The following RTKN2 variants were observed in gnomAD, a reference collection of about 807,000 sequenced individuals.
RTKN2 encodes the protein rhotekin-2.
A neutral mutation model predicts 71.5 loss-of-function variants in RTKN2; 69 were observed. That is an observed-to-expected ratio of 0.96 (90% CI 0.79 to 1.18). RTKN2 has a LOEUF of 1.18. Among genes scored for constraint, RTKN2 ranks in the 50% most tolerant of loss-of-function variants. The pLI, the probability that RTKN2 is intolerant of heterozygous loss-of-function variation, is 0.00. For missense variants in RTKN2, 724 were observed against 719.7 expected, an observed-to-expected ratio of 1.01 and a Z score of -0.07; for synonymous variants, 236 against 236.5, an observed-to-expected ratio of 1.00 and a Z score of 0.02.
intron 1 of RTKN2, among the ~76,000 whole-genome samples, chr10:62,265,605 T>C (rs1484654092): frequency 2.0e-5 from 3 of 152,006 alleles, no homozygotes; most frequent in African/African-American, 7.3e-5. Context: ...GGCTACTGTT[T>C]TAGCCAGTTT....
In RTKN2 at chr10:62,217,191, T is replaced by A; in HGVS notation, c.947A>T (p.Lys316Ile). 1 of 1,605,542 alleles carries A rather than the reference T, an allele frequency of 6.2e-7. No individual in the cohort carries two copies. Among genetic ancestry groups the A allele is most frequent in the Non-Finnish European group, 8.5e-7 (1 of 1,175,976 alleles). The change falls in exon 9 of 12, where the codon AAA becomes ATA. Residue 316 changes from lysine (K) to isoleucine (I), a missense_variant. Transcript: ENST00000373789. ...RRLYCVLRGGKLYCFYSPEEI... is the reference protein window; with the variant it reads ...RRLYCVLRGGILYCFYSPEEI... The stretch of plus-strand genomic sequence containing the variant: ...CTCTGGACTGTAAAAACAATAGAGT[T>A]TACCTCCTCGCAAAACACAATACAA...
At chr10:62,242,011 T>C (rs574284692) in intron 3 of RTKN2, among the ~76,000 whole-genome samples, 5 of 95,070 alleles carry the variant, frequency 5.3e-5, no homozygotes, top group African/African-American at 2.2e-4. Context: ...CTAATTATTA[T>C]ACTTTTTTTT....
chr10:62,222,303 G>A (rs1012164147), intron 7 of RTKN2, among the ~76,000 whole-genome samples: 2 of 151,506 alleles, frequency 1.3e-5, no homozygotes, highest in African/African-American at 4.9e-5. Context: ...GTAGAGATAG[G>A]GTCTCACTAT....
chr10:62,223,744 C>T (rs969612850), intron 6 of RTKN2, among the ~76,000 whole-genome samples: 1 of 152,130 alleles, frequency 6.6e-6, no homozygotes, highest in African/African-American at 2.4e-5. Context: ...AATGATACCA[C>T]CTCTGTGGAA....
In RTKN2 at chr10:62,195,559, A is replaced by AAAGGAAGG. The variant is rs545327176; in HGVS notation, c.*2341_*2348dup. On this transcript the variant is annotated 3_prime_UTR_variant, in exon 12 of 12. Transcript: ENST00000373789. ...GGGCCAGAGAAAGAAACAAAGACAA[A>AAAGGAAGG]AAGGAAGGAAGGAGGGAAGGAGGGA... is the stretch of plus-strand genomic sequence containing the variant. 63 of 689,352 alleles carry AAAGGAAGG rather than the reference A, an allele frequency of 9.1e-5. 4 individuals are homozygous for AAAGGAAGG. In the East Asian group the frequency reaches 4.3e-3, roughly 48 times the overall value. The allele number at this position is 689,352 out of a possible 1,614,324, so 42.7% of individuals were successfully genotyped here.
chr10:62,188,206 G>A (rs1229556928), downstream of RTKN2, among the ~76,000 whole-genome samples: 1 of 152,214 alleles, frequency 6.6e-6, no homozygotes, highest in Non-Finnish European at 1.5e-5. Context: ...GAAGGTCGCA[G>A]TCATGCCTAG....
At chr10:62,248,256 A>C (rs1439372224) in intron 2 of RTKN2, among the ~76,000 whole-genome samples, 1 of 152,126 alleles carries the variant, frequency 6.6e-6, no homozygotes, top group Non-Finnish European at 1.5e-5. Flanking sequence ...AAAAAATGAG[A>C]GGAGAAAAAC....
At chr10:62,213,115 A>C (rs1308955898) in intron 9 of RTKN2, among the ~76,000 whole-genome samples, 1 of 152,230 alleles carries the variant, frequency 6.6e-6, no homozygotes, top group Non-Finnish European at 1.5e-5. Flanking sequence ...CATATGTAGA[A>C]GGAAAGTAGT....
At chr10:62,207,095 C>G (rs182639672) in intron 9 of RTKN2, among the ~76,000 whole-genome samples, 6 of 152,094 alleles carry the variant, frequency 3.9e-5, no homozygotes, top group Non-Finnish European at 8.8e-5. Flanking sequence ...ATAAACATTT[C>G]TGACTACTTT....
chr10:62,192,934 C>T (rs367712527), downstream of RTKN2, among the ~76,000 whole-genome samples: 10 of 152,060 alleles, frequency 6.6e-5, no homozygotes, highest in African/African-American at 2.4e-4. Context: ...ATCTAACACA[C>T]TATGTGTATG....
At chr10:62,245,955 T>C (rs1589376383) in intron 3 of RTKN2, 44 bp downstream of exon 3, 3 of 1,241,244 alleles carry the variant, frequency 2.4e-6, no homozygotes, top group Non-Finnish European at 3.4e-6. Flanking sequence ...GTAGTTACGT[T>C]ATAGAATTTA....
intron 9 of RTKN2, among the ~76,000 whole-genome samples, chr10:62,212,111 A>AT (rs142344986): frequency 0.55 from 70,332 of 127,560 alleles, 18,417 homozygotes; most frequent in East Asian, 0.88. Context: ...ACTTAAAAAA[A>AT]AAATATATAT....
At chr10:62,184,499 C>T (rs1841104155) in intron 8 of RTKN2, 2 of 579,044 alleles carry the variant, frequency 3.5e-6, no homozygotes. Context: ...TTGCAAGTTT[C>T]AGGAAAAATG....
rs1841337491 is a variant in RTKN2, at chr10:62,196,642, C to T, written c.*1266G>A. The T allele has an allele frequency of 3.0e-6, 3 of 984,610 alleles. No homozygotes were observed. Among genetic ancestry groups the T allele is most frequent in the Non-Finnish European group, 2.4e-6 (2 of 829,228 alleles). 61.0% of individuals were successfully genotyped at this position (984,610 alleles called of 1,614,324 possible). A position where few individuals can be genotyped will look rare whatever the true frequency, so the allele number is the denominator to read the frequency against. ...AGATCTCAAGAGATTATACACAGGG[C>T]AGCAATTTAATTCTTAAATTTTTAT... is the stretch of plus-strand genomic sequence containing the variant. On this transcript the variant is annotated 3_prime_UTR_variant, in exon 12 of 12. Transcript: ENST00000373789.
intron 5 of RTKN2, chr10:62,238,099 T>C (rs924120079): frequency 9.9e-5 from 15 of 151,972 alleles, no homozygotes; most frequent in African/African-American, 3.6e-4. Context: ...AGCACAGACT[T>C]TTAAAGATAT....
chr10:62,190,292 T>C (rs1359016455), downstream of RTKN2, among the ~76,000 whole-genome samples: 6 of 152,222 alleles, frequency 3.9e-5, no homozygotes, highest in Middle Eastern at 3.2e-3. Flanking sequence ...GTTGGTATAC[T>C]GAGGATGAGA....
At position 62,198,141 on chromosome 10, in the gene RTKN2, T is replaced by C. The variant is rs1317634240; in HGVS notation, c.1597A>G (p.Thr533Ala). Residue 533 changes from threonine to alanine, a missense_variant, in exon 12 of 12, where the codon ACA (threonine) becomes GCA (alanine). By Grantham distance (58) the Thr-to-Ala change is moderately conservative. Coordinates refer to ENST00000373789, the MANE Select transcript of RTKN2 (RefSeq NM_145307.4). Reference protein sequence around the residue: ...DQLVKDNWGKTSVSQTSSLDT... With the variant: ...DQLVKDNWGKASVSQTSSLDT... Reference sequence around the variant, plus strand: ...AAAGACGATGTCTGAGATACACTTGTTTTTCCCCAGTTGTCCTTAACCAAT... The same window carrying C: ...AAAGACGATGTCTGAGATACACTTGCTTTTCCCCAGTTGTCCTTAACCAAT... 6.2e-7 allele frequency: 1 copy of C among 1,614,142 alleles called. No homozygotes were observed. Among genetic ancestry groups the C allele is most frequent in the South Asian group, 1.1e-5 (1 of 91,088 alleles).
At chr10:62,245,848 T>A in intron 3 of RTKN2, 151 bp downstream of exon 3, 1 of 575,402 alleles carries the variant, frequency 1.7e-6, no homozygotes, top group Non-Finnish European at 3.1e-6. Flanking sequence ...ATGTAGCATA[T>A]AATGCTAAAA....
intron 2 of RTKN2, among the ~76,000 whole-genome samples, chr10:62,255,844 TC>T (rs959914777): frequency 1.3e-5 from 2 of 152,146 alleles, no homozygotes; most frequent in Admixed American, 1.3e-4. Flanking sequence ...CATATAATGG[TC>T]CCCAGCCTCA....
Sources: gnomAD v4.1 joint callset for allele counts (sites outside exome capture counted in the v4.1 genomes callset) on GRCh38, gnomAD v4.1.1 for gene constraint, MANE v1.5 for transcripts, NCBI Gene and HGNC (gene_info 2026-07-23, HGNC 2026-07-21) for gene names.